Variants in PPP2R2B observed in about 807,000 individuals in gnomAD.
PPP2R2B encodes the protein serine/threonine-protein phosphatase 2A 55 kDa regulatory subunit B beta isoform.
Under a neutral mutation model 46.0 loss-of-function variants are expected in PPP2R2B, and 5 were observed. The observed-to-expected ratio is 0.11, with a 90% CI of 0.06 to 0.23. The LOEUF is 0.23. Ranked by LOEUF, PPP2R2B falls within the 10% of genes least tolerant of loss-of-function variation. The pLI is 1.00. For missense variants in PPP2R2B, 367 were observed against 575.0 expected, an observed-to-expected ratio of 0.64 and a Z score of 3.70; for synonymous variants, 215 against 206.7, an observed-to-expected ratio of 1.04 and a Z score of -0.34.
intron 1 of PPP2R2B, among the ~76,000 whole-genome samples, chr5:146,978,424 T>C (rs1561552655): frequency 1.3e-5 from 2 of 152,212 alleles, no homozygotes; most frequent in Non-Finnish European, 2.9e-5. Flanking sequence ...TTTTGGTGTT[T>C]TAGTCATGAA....
At chr5:147,022,771 A>G (rs1439278635) in intron 1 of PPP2R2B, among the ~76,000 whole-genome samples, 1 of 152,144 alleles carries the variant, frequency 6.6e-6, no homozygotes, top group Admixed American at 6.5e-5. Context: ...ACGTCGCATC[A>G]TAAACAGAGC....
chr5:146,701,502 C>T (rs531808199), intron 2 of PPP2R2B, among the ~76,000 whole-genome samples: 2 of 152,174 alleles, frequency 1.3e-5, no homozygotes, highest in African/African-American at 4.8e-5. Flanking sequence ...GCCTTTACAC[C>T]AAGAATCTTC....
Position 146,693,626 on chromosome 5 carries a change from A to C in PPP2R2B, c.335-2386T>G, listed in dbSNP as rs80159546. 4.4e-4 allele frequency among the ~76,000 whole-genome samples: 67 copies of C among 152,338 alleles called. 1 individual carries two copies. In the East Asian group the frequency reaches 0.012, roughly 28 times the overall value. ...GATAAGCAAAAAATAATTTAGTATGAGTATATCCCATATAGTTCAATCTTA... is the reference window on the plus strand; with the variant it reads ...GATAAGCAAAAAATAATTTAGTATGCGTATATCCCATATAGTTCAATCTTA... On this transcript the variant is annotated intron_variant, in intron 4 of 9. Coordinates refer to ENST00000394411, the MANE Select transcript of PPP2R2B (RefSeq NM_181675.4).
At chr5:147,018,043 GCACACACACA>G (rs60161356) in intron 1 of PPP2R2B, among the ~76,000 whole-genome samples, 63 of 48,276 alleles carry the variant, frequency 1.3e-3, no homozygotes, top group South Asian at 0.013. Flanking sequence ...GCATGCGCGC[GCACACACACA>G]CACACACACA....
intron 7 of PPP2R2B, among the ~76,000 whole-genome samples, chr5:146,624,513 G>A (rs1222343600): frequency 6.6e-6 from 1 of 152,030 alleles, no homozygotes; most frequent in Non-Finnish European, 1.5e-5. Flanking sequence ...CTTAGTCTAA[G>A]CCATGCTCAT....
chr5:146,638,033 G>A (rs1399641684), intron 7 of PPP2R2B, among the ~76,000 whole-genome samples: 1 of 148,312 alleles, frequency 6.7e-6, no homozygotes, highest in Non-Finnish European at 1.5e-5. Context: ...CTTTTCTGAT[G>A]AGGGTCATGT....
At chr5:146,859,889 G>A (rs1187337303) in intron 2 of PPP2R2B, among the ~76,000 whole-genome samples, 1 of 152,120 alleles carries the variant, frequency 6.6e-6, no homozygotes, top group Non-Finnish European at 1.5e-5. Context: ...GAGGTAGTAT[G>A]AAGGACAGTT....
At chr5:146,953,115 A>G (rs1751700346) in intron 1 of PPP2R2B, among the ~76,000 whole-genome samples, 1 of 152,178 alleles carries the variant, frequency 6.6e-6, no homozygotes, top group Non-Finnish European at 1.5e-5. Flanking sequence ...ATCAAAACAG[A>G]GCACTGAGTT....
intron 2 of PPP2R2B, among the ~76,000 whole-genome samples, chr5:147,064,588 TAAA>T (rs1005601467): frequency 1.3e-5 from 2 of 152,232 alleles, no homozygotes; most frequent in African/African-American, 4.8e-5. Context: ...TTGATTAGAA[TAAA>T]GAAGAACTAA....
At chr5:146,751,771 G>C (rs181318972) in intron 2 of PPP2R2B, among the ~76,000 whole-genome samples, 1 of 152,166 alleles carries the variant, frequency 6.6e-6, no homozygotes, top group African/African-American at 2.4e-5. Flanking sequence ...ATTGCCCCCA[G>C]AGGGTGGGGG....
chr5:146,982,117 C>A (rs1753205847), intron 1 of PPP2R2B, among the ~76,000 whole-genome samples: 2 of 152,076 alleles, frequency 1.3e-5, no homozygotes, highest in African/African-American at 2.4e-5. Flanking sequence ...TTGCTTTGAG[C>A]TTATTTGCTC....
At chr5:146,703,933 G>T (rs916527001) in intron 2 of PPP2R2B, among the ~76,000 whole-genome samples, 5 of 152,192 alleles carry the variant, frequency 3.3e-5, no homozygotes, top group African/African-American at 1.2e-4. Flanking sequence ...CTCTTGCAGA[G>T]TCCTTACCTT....
intron 6 of PPP2R2B, among the ~76,000 whole-genome samples, chr5:146,643,790 T>C (rs1775387874): frequency 6.6e-6 from 1 of 152,198 alleles, no homozygotes; most frequent in Non-Finnish European, 1.5e-5. Flanking sequence ...ATCCCAACTA[T>C]ATACAAAATA....
chr5:146,685,286 A>C (rs1778421419), intron 5 of PPP2R2B, among the ~76,000 whole-genome samples: 1 of 152,220 alleles, frequency 6.6e-6, no homozygotes, highest in Non-Finnish European at 1.5e-5. Context: ...GCAAGGCCTT[A>C]AGCCAGTACT....
At chr5:146,645,585 G>T (rs1238466679) in intron 6 of PPP2R2B, among the ~76,000 whole-genome samples, 1 of 152,168 alleles carries the variant, frequency 6.6e-6, no homozygotes, top group African/African-American at 2.4e-5. Context: ...TGCTGTCCAT[G>T]GTAGTAATGA....
At chr5:146,803,840 A>T (rs1463452293) in intron 2 of PPP2R2B, among the ~76,000 whole-genome samples, 3 of 152,132 alleles carry the variant, frequency 2.0e-5, no homozygotes, top group African/African-American at 7.2e-5. Flanking sequence ...TGCTTGCTTC[A>T]TGTAGTTGTT....
chr5:146,910,704 T>C (rs1016093276), intron 1 of PPP2R2B, among the ~76,000 whole-genome samples: 1 of 152,186 alleles, frequency 6.6e-6, no homozygotes, highest in Non-Finnish European at 1.5e-5. Flanking sequence ...ATACATTACA[T>C]TGTATTGTAC....
intron 2 of PPP2R2B, among the ~76,000 whole-genome samples, chr5:146,845,130 T>C (rs544939747): frequency 6.6e-6 from 1 of 152,262 alleles, no homozygotes; most frequent in South Asian, 2.1e-4. Context: ...TTTCTTCTAC[T>C]TGATTAGCTT....
chr5:146,747,021 T>A (rs926367973), intron 2 of PPP2R2B, among the ~76,000 whole-genome samples: 1 of 152,222 alleles, frequency 6.6e-6, no homozygotes, highest in African/African-American at 2.4e-5. Flanking sequence ...GGCTAAGGAC[T>A]AGGCTCAATT....
Sources: gnomAD v4.1 joint callset for allele counts (sites outside exome capture counted in the v4.1 genomes callset) on GRCh38, gnomAD v4.1.1 for gene constraint, MANE v1.5 for transcripts, NCBI Gene and HGNC (gene_info 2026-07-23, HGNC 2026-07-21) for gene names.